ANKS1B: variants seen among roughly 807,000 people sequenced by gnomAD.
ANKS1B encodes ankyrin repeat and sterile alpha motif domain-containing protein 1B.
ANKS1B carries 36 observed loss-of-function variants against 148.3 expected under a neutral mutation model. That is an observed-to-expected ratio of 0.24 (90% CI 0.19 to 0.32). The LOEUF (loss-of-function observed/expected upper bound fraction) is 0.32, where lower values mean the gene tolerates loss of function less well. Among genes scored for constraint, ANKS1B ranks in the 10% least tolerant of loss-of-function variants. The pLI, the probability that ANKS1B is intolerant of heterozygous loss-of-function variation, is 1.00. For synonymous variants in ANKS1B, 542 were observed against 560.8 expected (o/e 0.97, Z 0.47); for missense variants, 1,157 against 1,542.6 (o/e 0.75, Z 4.19).
At chr12:99,889,324 A>G (rs1253512582) in intron 1 of ANKS1B, among the ~76,000 whole-genome samples, 1 of 152,166 alleles carries the variant, frequency 6.6e-6, no homozygotes. Context: ...AACCTAACAA[A>G]TGTCAAAGTA....
chr12:99,230,634 T>C (rs1475194542), intron 14 of ANKS1B, among the ~76,000 whole-genome samples: 1 of 152,160 alleles, frequency 6.6e-6, no homozygotes, highest in African/African-American at 2.4e-5. Context: ...ATTTATATTA[T>C]GCATGTTATT....
At chr12:99,655,233 C>G (rs2098444287) in intron 8 of ANKS1B, 23 bp from the exon 9 acceptor site, 1 of 1,533,180 alleles carries the variant, frequency 6.5e-7, no homozygotes, top group South Asian at 1.2e-5. Context: ...TTATATCATA[C>G]CAATATATTA....
Position 98,771,975 on chromosome 12 carries a change from C to T in ANKS1B, c.3579+1067G>A, listed in dbSNP as rs536946329. Among the ~76,000 whole-genome samples the T allele has an allele frequency of 3.3e-5, 5 of 152,246 alleles. No individual in the cohort carries two copies. The South Asian group carries it at 1.0e-3, about 32-fold the overall frequency. On this transcript the variant is annotated intron_variant, in intron 25 of 26. Coordinates refer to ENST00000683438, the MANE Select transcript of ANKS1B (RefSeq NM_001352186.2). ...AGTGAGGGACAAGGAGGCTGTAAGACCTTTACTATGTTTTGGTGCCAGAGA... is the reference window on the plus strand; with the variant it reads ...AGTGAGGGACAAGGAGGCTGTAAGATCTTTACTATGTTTTGGTGCCAGAGA...
intron 1 of ANKS1B, among the ~76,000 whole-genome samples, chr12:99,860,074 A>G (rs2089820229): frequency 6.6e-6 from 1 of 152,246 alleles, no homozygotes; most frequent in African/African-American, 2.4e-5. Context: ...TTGAGATAAA[A>G]GTTGACTAAG....
chr12:99,888,855 T>G (rs770400275), intron 1 of ANKS1B, among the ~76,000 whole-genome samples: 3 of 152,096 alleles, frequency 2.0e-5, no homozygotes, highest in Non-Finnish European at 4.4e-5. Flanking sequence ...ACTATTTGTT[T>G]CAAATTGTAT....
At chr12:99,820,323 T>C (rs2082355478) in intron 2 of ANKS1B, among the ~76,000 whole-genome samples, 1 of 151,868 alleles carries the variant, frequency 6.6e-6, no homozygotes, top group Non-Finnish European at 1.5e-5. Context: ...CCAATGAAAA[T>C]GTACAAAATT....
intron 9 of ANKS1B, chr12:99,648,489 G>A: frequency 6.2e-7 from 1 of 1,614,154 alleles, no homozygotes; most frequent in Non-Finnish European, 8.5e-7. Context: ...CTGCCACCCA[G>A]AAAAGAGAAA....
chr12:99,182,396 A>T (rs773293631), intron 14 of ANKS1B, among the ~76,000 whole-genome samples: 8 of 152,196 alleles, frequency 5.3e-5, no homozygotes, highest in South Asian at 4.1e-4. Context: ...AGCTCCCACA[A>T]ATAAGTGAGA....
At chr12:98,950,700 T>C (rs1383628998) in intron 17 of ANKS1B, among the ~76,000 whole-genome samples, 1 of 152,232 alleles carries the variant, frequency 6.6e-6, no homozygotes, top group Non-Finnish European at 1.5e-5. Flanking sequence ...GCAGCCTCAC[T>C]GGAAACATCT....
At chr12:98,988,873 A>G (rs2099924991) in intron 17 of ANKS1B, among the ~76,000 whole-genome samples, 1 of 152,144 alleles carries the variant, frequency 6.6e-6, no homozygotes, top group Non-Finnish European at 1.5e-5. Context: ...ACCTTTTCAT[A>G]TACTTCTTGG....
At chr12:99,049,955 T>C (rs2153521162) in intron 17 of ANKS1B, among the ~76,000 whole-genome samples, 1 of 152,310 alleles carries the variant, frequency 6.6e-6, no homozygotes, top group East Asian at 1.9e-4. Context: ...CACTTCTCTT[T>C]TCACTTAACA....
At chr12:99,002,359 C>A (rs1416653785) in intron 17 of ANKS1B, among the ~76,000 whole-genome samples, 1 of 152,194 alleles carries the variant, frequency 6.6e-6, no homozygotes, top group Non-Finnish European at 1.5e-5. Flanking sequence ...CAGCTTCCCC[C>A]AGCCTGAAGC....
intron 5 of ANKS1B, among the ~76,000 whole-genome samples, chr12:99,780,420 T>A (rs959293782): frequency 2.0e-5 from 3 of 151,046 alleles, no homozygotes; most frequent in Non-Finnish European, 4.4e-5. Flanking sequence ...GGACTACAGG[T>A]GCCCACCACC....
intron 17 of ANKS1B, among the ~76,000 whole-genome samples, chr12:98,944,057 T>A (rs747619344): frequency 6.6e-6 from 1 of 152,136 alleles, no homozygotes; most frequent in Admixed American, 6.6e-5. Context: ...TCCAGCACTC[T>A]GGGAGGCCGA....
chr12:99,978,628 T>C (rs1004214962), intron 1 of ANKS1B, among the ~76,000 whole-genome samples: 10 of 152,230 alleles, frequency 6.6e-5, no homozygotes, highest in Admixed American at 2.0e-4. Flanking sequence ...GAGTTTCTTA[T>C]ATCAGGGTCC....
At position 99,406,298 on chromosome 12, in the gene ANKS1B, A is replaced by T. The variant is rs1200306871; in HGVS notation, c.1576-6487T>A. Among the ~76,000 whole-genome samples, 9 of 146,064 alleles carry T rather than the reference A, an allele frequency of 6.2e-5. 1 individual carries two copies. Among genetic ancestry groups the T allele is most frequent in the African/African-American group, 2.3e-4 (9 of 38,656 alleles). On this transcript the variant is annotated intron_variant, in intron 11 of 26. Coordinates refer to ENST00000683438, the MANE Select transcript of ANKS1B (RefSeq NM_001352186.2). ...ACGAAACAAGTCTTAAAAAAACTAA[A>T]AAATAAATTGAAATTATATCAAGTA...
At chr12:99,673,347 G>A (rs115146271) in intron 8 of ANKS1B, among the ~76,000 whole-genome samples, 2,912 of 152,080 alleles carry the variant, frequency 0.019, 107 homozygotes, top group African/African-American at 0.066. Context: ...AGGATTCTTA[G>A]AGGCAAATAA....
At chr12:99,462,545 T>A (rs914086421) in intron 10 of ANKS1B, among the ~76,000 whole-genome samples, 13 of 152,216 alleles carry the variant, frequency 8.5e-5, no homozygotes, top group African/African-American at 2.2e-4. Context: ...GGTGAATCCA[T>A]CTTGGATTGA....
At chr12:99,838,186 C>T (rs2085152795) in intron 1 of ANKS1B, among the ~76,000 whole-genome samples, 1 of 152,090 alleles carries the variant, frequency 6.6e-6, no homozygotes, top group South Asian at 2.1e-4. Context: ...TTGATGGACA[C>T]TTAGATTGAT....
Sources: gnomAD v4.1 joint callset for allele counts (sites outside exome capture counted in the v4.1 genomes callset) on GRCh38, gnomAD v4.1.1 for gene constraint, MANE v1.5 for transcripts, NCBI Gene and HGNC (gene_info 2026-07-23, HGNC 2026-07-21) for gene names.